LZTFL1: variants seen among roughly 807,000 people sequenced by gnomAD.
LZTFL1 encodes the protein leucine zipper transcription factor like 1, also known as leucine zipper transcription factor-like protein 1.
LZTFL1 carries 25 observed loss-of-function variants against 45.9 expected under a neutral mutation model. The ratio of observed to expected loss-of-function variants is 0.54; its 90% CI spans 0.40 to 0.76. The LOEUF (loss-of-function observed/expected upper bound fraction) is 0.76. LZTFL1 is among the 30% of genes least tolerant of loss of function. The pLI is 0.00. For missense variants in LZTFL1, 277 were observed against 331.1 expected (o/e 0.84, Z 1.27); for synonymous variants, 93 against 117.4 (o/e 0.79, Z 1.35).
chr3:45,875,099 T>C (rs1273505866), intron 2 of LZTFL1, among the ~76,000 whole-genome samples: 1 of 152,244 alleles, frequency 6.6e-6, no homozygotes, highest in African/African-American at 2.4e-5. Flanking sequence ...TGGAGCAGTT[T>C]ATTCTGCAGC....
At chr3:45,832,958 A>G (rs1020177355) in intron 5 of LZTFL1, 92 bp downstream of exon 5, 7 of 906,344 alleles carry the variant, frequency 7.7e-6, no homozygotes, top group Admixed American at 7.6e-5. Context: ...TCCTCAGAGG[A>G]CCTGAAACAA....
chr3:45,893,837 G>C (rs1048149814), intron 2 of LZTFL1, among the ~76,000 whole-genome samples: 5 of 152,210 alleles, frequency 3.3e-5, no homozygotes, highest in African/African-American at 1.2e-4. Flanking sequence ...CACATGGTGA[G>C]TGCATGTATA....
At chr3:45,906,165 A>G (rs1481418920) in intron 2 of LZTFL1, among the ~76,000 whole-genome samples, 1 of 152,090 alleles carries the variant, frequency 6.6e-6, no homozygotes, top group Non-Finnish European at 1.5e-5. Flanking sequence ...TATGCAGGAG[A>G]TCCATAGTGT....
At chr3:45,829,260 G>A (rs1404724784) in intron 7 of LZTFL1, among the ~76,000 whole-genome samples, 2 of 152,116 alleles carry the variant, frequency 1.3e-5, no homozygotes, top group African/African-American at 4.8e-5. Context: ...AAAAACATTT[G>A]TACTGATAAG....
chr3:45,880,726 A>G (rs1701842721), intron 2 of LZTFL1, among the ~76,000 whole-genome samples: 1 of 152,064 alleles, frequency 6.6e-6, no homozygotes, highest in Non-Finnish European at 1.5e-5. Context: ...CCCTCTGCTG[A>G]TAATGGCTGC....
intron 2 of LZTFL1, among the ~76,000 whole-genome samples, chr3:45,887,561 G>A (rs1702020379): frequency 1.3e-5 from 2 of 152,244 alleles, no homozygotes; most frequent in South Asian, 2.1e-4. Context: ...CATCCAGAGA[G>A]TGGTCACTGT....
At chr3:45,839,805 G>T (rs1024676827) in intron 1 of LZTFL1, among the ~76,000 whole-genome samples, 1 of 152,182 alleles carries the variant, frequency 6.6e-6, no homozygotes, top group African/African-American at 2.4e-5. Context: ...TCACCAGCCA[G>T]TACACACATG....
intron 2 of LZTFL1, among the ~76,000 whole-genome samples, chr3:45,867,670 C>T (rs974695007): frequency 1.3e-5 from 2 of 152,046 alleles, no homozygotes; most frequent in Non-Finnish European, 2.9e-5. Context: ...ATAGTGAGAC[C>T]TCATCTCTAC....
At chr3:45,896,158 C>A (rs1170486563) in intron 2 of LZTFL1, among the ~76,000 whole-genome samples, 1 of 152,234 alleles carries the variant, frequency 6.6e-6, no homozygotes, top group East Asian at 1.9e-4. Flanking sequence ...TCTTCAGTTT[C>A]TCCTGCATTA....
At chr3:45,832,774 CGCA>C (rs1240880298) in intron 5 of LZTFL1, 4 of 256,064 alleles carry the variant, frequency 1.6e-5, no homozygotes, top group Non-Finnish European at 3.0e-5. Flanking sequence ...TCCTTGTTAC[CGCA>C]GATCACAAAC....
At chr3:45,912,451 A>G (rs1294761709) in intron 2 of LZTFL1, among the ~76,000 whole-genome samples, 1 of 152,148 alleles carries the variant, frequency 6.6e-6, no homozygotes, top group Non-Finnish European at 1.5e-5. Flanking sequence ...ACTTGCTCTG[A>G]CCAACAGAAC....
In LZTFL1 at chr3:45,901,312, T is replaced by C. The variant is rs201163971; in HGVS notation, c.-215+11808A>G. 3.7e-5 allele frequency: 60 copies of C among 1,614,072 alleles called. 1 individual carries two copies. Among genetic ancestry groups the C allele is most frequent in the Admixed American group, 2.0e-4 (12 of 60,006 alleles). On this transcript the variant is annotated intron_variant, in intron 2 of 4. Coordinates refer to the LZTFL1 transcript ENST00000472635. This position sits in a 1 kb window ranked among gnomAD's most constrained non-coding sequence, Gnocchi z 4.3. ...ATGGTTTGCTTTACCATCTGGGTAT[T>C]GGCAGCTGCTCTCTGCATCCCAGAA...
chr3:45,901,889 C>T lies in LZTFL1; in HGVS notation c.-215+11231G>A, dbSNP rs763774017. The T allele has an allele frequency of 1.3e-6, 2 of 1,594,822 alleles. No homozygotes were observed. Among genetic ancestry groups the T allele is most frequent in the Non-Finnish European group, 8.6e-7 (1 of 1,167,650 alleles). ...TGCTGGAGACAACCTCAGGAGCACT[C>T]TCCCTCTGAGGGGTCTTCTCTGAGG... On this transcript the variant is annotated intron_variant, in intron 2 of 4. Coordinates refer to the LZTFL1 transcript ENST00000472635. The surrounding 1 kb of genome is among the most constrained non-coding windows in gnomAD (Gnocchi z 4.3).
chr3:45,864,244 A>AT (rs1395852632), intron 2 of LZTFL1, among the ~76,000 whole-genome samples: 9 of 152,268 alleles, frequency 5.9e-5, no homozygotes, highest in Non-Finnish European at 1.2e-4. Flanking sequence ...AGAGTAAAAA[A>AT]GAGTAGCATA....
chr3:45,846,471 G>A (rs1230812810), upstream of LZTFL1, among the ~76,000 whole-genome samples: 1 of 152,128 alleles, frequency 6.6e-6, no homozygotes, highest in Non-Finnish European at 1.5e-5. Context: ...CCCATGCACA[G>A]TCAAAAATCC....
chr3:45,842,282 T>C (rs1043738278), upstream of LZTFL1: 24 of 852,730 alleles, frequency 2.8e-5, no homozygotes, highest in Middle Eastern at 7.5e-4. Flanking sequence ...TTTTGGGAGC[T>C]GACTGCAGTT....
At chr3:45,833,798 AATG>A (rs2125684069) in intron 4 of LZTFL1, among the ~76,000 whole-genome samples, 1 of 152,228 alleles carries the variant, frequency 6.6e-6, no homozygotes, top group African/African-American at 2.4e-5. Flanking sequence ...AATTAATGAG[AATG>A]ATTAGAAAGA....
At chr3:45,833,250 G>A (rs1700879069) in intron 4 of LZTFL1, 129 bp from the exon 5 acceptor site, 1 of 655,844 alleles carries the variant, frequency 1.5e-6, no homozygotes, top group Non-Finnish European at 2.7e-6. Flanking sequence ...AGTTCCACAG[G>A]TGTGGAGATT....
intron 2 of LZTFL1, among the ~76,000 whole-genome samples, chr3:45,878,115 G>A (rs974939415): frequency 6.6e-6 from 1 of 152,072 alleles, no homozygotes; most frequent in African/African-American, 2.4e-5. Context: ...TCTACATGGT[G>A]GAAAGATTAA....
Sources: allele counts gnomAD v4.1 joint callset (sites outside exome capture counted in the v4.1 genomes callset), GRCh38; gene constraint gnomAD v4.1.1; non-coding constraint Gnocchi (gnomAD v3.1); transcripts MANE v1.5; gene names NCBI Gene and HGNC (gene_info 2026-07-23, HGNC 2026-07-21).